Variants in HMGCLL1 observed in about 807,000 individuals in gnomAD.
HMGCLL1 encodes the protein 3-hydroxymethyl-3-methylglutaryl-CoA lyase, cytoplasmic.
In HMGCLL1, 36 loss-of-function variants were observed where a neutral mutation model predicts 39.1. The observed-to-expected ratio is 0.92, with a 90% CI of 0.71 to 1.22. The LOEUF (loss-of-function observed/expected upper bound fraction) is 1.22. Ranked by LOEUF, HMGCLL1 falls within the 50% of genes most tolerant of loss-of-function variation. The probability of loss-of-function intolerance (pLI) is 0.00; values close to 1 mark genes in which losing one functional copy is unlikely to be tolerated. For synonymous variants in HMGCLL1, 149 were observed against 144.0 expected (o/e 1.03, Z -0.25); for missense variants, 451 against 416.5 (o/e 1.08, Z -0.72).
Position 55,439,529 on chromosome 6 carries a change from A to T in HMGCLL1, c.826T>A (p.Ser276Thr). ...MGINVVDSAV[S>T]GLGGCPYAKG... ...GCATAAGGGCAGCCACCTAATCCGG[A>T]TACTGCGGAGTCCACCACATTAATT... The change falls in exon 8 of 9, where the codon TCC (serine) becomes ACC (threonine). Residue 276 changes from serine (S) to threonine (T), a missense_variant. Physicochemically the swap from Ser to Thr is moderately conservative, Grantham distance 58 (BLOSUM62 1). Coordinates refer to ENST00000274901, the MANE Select transcript of HMGCLL1 (RefSeq NM_001042406.2). The T allele has an allele frequency of 1.2e-6, 2 of 1,613,000 alleles. No homozygotes were observed. Among genetic ancestry groups the T allele is most frequent in the East Asian group, 4.5e-5 (2 of 44,858 alleles).
intron 6 of HMGCLL1, among the ~76,000 whole-genome samples, chr6:55,498,433 A>C (rs1259235840): frequency 6.6e-6 from 1 of 152,132 alleles, no homozygotes; most frequent in Non-Finnish European, 1.5e-5. Flanking sequence ...CCAAAAGTTC[A>C]AATGAAAGCA....
intron 7 of HMGCLL1, among the ~76,000 whole-genome samples, chr6:55,464,828 T>A (rs1281441481): frequency 1.3e-5 from 2 of 152,198 alleles, no homozygotes; most frequent in African/African-American, 2.4e-5. Flanking sequence ...CATAATTAAG[T>A]CTTTCAACCT....
chr6:55,448,668 C>T (rs1022933503), intron 7 of HMGCLL1, among the ~76,000 whole-genome samples: 1 of 152,052 alleles, frequency 6.6e-6, no homozygotes, highest in Non-Finnish European at 1.5e-5. Context: ...CTGCTTTTGC[C>T]TGTTGTTGAT....
chr6:55,542,361 A>C (rs1486647207), intron 1 of HMGCLL1, among the ~76,000 whole-genome samples: 2 of 152,214 alleles, frequency 1.3e-5, no homozygotes, highest in Admixed American at 6.6e-5. Flanking sequence ...GTTATGATTA[A>C]AATTCAAAAG....
At position 55,532,699 on chromosome 6, in the gene HMGCLL1, G is replaced by A. The variant is rs1349227524; in HGVS notation, c.297+9030C>T. 2.0e-5 allele frequency among the ~76,000 whole-genome samples: 3 copies of A among 151,710 alleles called. No homozygotes were observed. The East Asian group carries it at 5.8e-4, about 30-fold the overall frequency. On this transcript the variant is annotated intron_variant, in intron 3 of 8. Coordinates refer to ENST00000274901, the MANE Select transcript of HMGCLL1 (RefSeq NM_001042406.2). ...ACCTGTAATCCCAGCTACTTGAGAG[G>A]CTGAAGCAGGAGAATCGCTTGAACC...
chr6:55,455,768 C>A (rs963287014), intron 7 of HMGCLL1, among the ~76,000 whole-genome samples: 2 of 152,134 alleles, frequency 1.3e-5, no homozygotes, highest in African/African-American at 4.8e-5. Flanking sequence ...GATAGCCTTG[C>A]CACTGAAGTA....
At chr6:55,468,611 T>C (rs1298990598) in intron 7 of HMGCLL1, among the ~76,000 whole-genome samples, 1 of 151,950 alleles carries the variant, frequency 6.6e-6, no homozygotes, top group Non-Finnish European at 1.5e-5. Flanking sequence ...GTGCCTAATA[T>C]GTGCCTACAT....
the HMGCLL1 span, among the ~76,000 whole-genome samples, chr6:55,590,989 A>T: frequency 6.6e-6 from 1 of 152,016 alleles, no homozygotes; most frequent in African/African-American, 2.4e-5. Context: ...GGAAGTGTAA[A>T]AAGTGGATTC....
upstream of HMGCLL1, among the ~76,000 whole-genome samples, chr6:55,579,763 T>C (rs1268472977): frequency 6.6e-6 from 1 of 152,106 alleles, no homozygotes; most frequent in Non-Finnish European, 1.5e-5. Context: ...TGTTTAAAAG[T>C]CTCATGGCAC....
chr6:55,672,570 G>A, the HMGCLL1 span, among the ~76,000 whole-genome samples: 1 of 151,690 alleles, frequency 6.6e-6, no homozygotes, highest in Non-Finnish European at 1.5e-5. Context: ...CAGTTCGAGG[G>A]TATGTAATAA....
chr6:55,546,113 C>G (rs1769956136), intron 1 of HMGCLL1, among the ~76,000 whole-genome samples: 1 of 152,056 alleles, frequency 6.6e-6, no homozygotes, highest in Non-Finnish European at 1.5e-5. Flanking sequence ...GCAATCAGTG[C>G]CTTGCTAATA....
chr6:55,651,721 C>T, the HMGCLL1 span, among the ~76,000 whole-genome samples: 1 of 152,062 alleles, frequency 6.6e-6, no homozygotes, highest in Non-Finnish European at 1.5e-5. Flanking sequence ...CCCCAGAGCA[C>T]TTCAACCCAT....
chr6:55,592,089 T>A, the HMGCLL1 span, among the ~76,000 whole-genome samples: 1 of 152,110 alleles, frequency 6.6e-6, no homozygotes, highest in South Asian at 2.1e-4. Flanking sequence ...CCAAAAATTA[T>A]AAGCCAGTGC....
intron 7 of HMGCLL1, among the ~76,000 whole-genome samples, chr6:55,494,818 T>G (rs1020334613): frequency 2.0e-5 from 3 of 152,196 alleles, no homozygotes; most frequent in African/African-American, 7.2e-5. Context: ...TTCTTTCAAA[T>G]GAATACATTT....
intron 7 of HMGCLL1, among the ~76,000 whole-genome samples, chr6:55,474,061 GT>G (rs2127405565): frequency 6.6e-6 from 1 of 151,584 alleles, no homozygotes; most frequent in South Asian, 2.1e-4. Flanking sequence ...TTTTGTTGCA[GT>G]TTGAATATGA....
the HMGCLL1 span, among the ~76,000 whole-genome samples, chr6:55,584,559 G>A: frequency 6.6e-6 from 1 of 152,186 alleles, no homozygotes. Flanking sequence ...AGAGTGAGGA[G>A]GGATTTGTGT....
chr6:55,627,573 G>A, the HMGCLL1 span, among the ~76,000 whole-genome samples: 156 of 151,806 alleles, frequency 1.0e-3, no homozygotes, highest in African/African-American at 3.4e-3. Flanking sequence ...GTGTGTCTGC[G>A]TGGGTGTTGC....
At chr6:55,477,509 T>C (rs1218179478) in intron 7 of HMGCLL1, among the ~76,000 whole-genome samples, 2 of 79,572 alleles carry the variant, frequency 2.5e-5, no homozygotes, top group Non-Finnish European at 4.9e-5. Context: ...ACATATATTA[T>C]ATATGTAATT....
chr6:55,475,487 A>G (rs1358471376), intron 7 of HMGCLL1, among the ~76,000 whole-genome samples: 1 of 151,638 alleles, frequency 6.6e-6, no homozygotes, highest in Non-Finnish European at 1.5e-5. Context: ...TCAGGGCAGA[A>G]GTTTGCTCTT....
Sources: allele counts gnomAD v4.1 joint callset (sites outside exome capture counted in the v4.1 genomes callset), GRCh38; gene constraint gnomAD v4.1.1; transcripts MANE v1.5; gene names NCBI Gene and HGNC (gene_info 2026-07-23, HGNC 2026-07-21).